DLD: variants seen among roughly 807,000 people sequenced by gnomAD.
The protein encoded by DLD is dihydrolipoamide dehydrogenase, also known as dihydrolipoyl dehydrogenase, mitochondrial.
DLD carries 36 observed loss-of-function variants against 62.2 expected under a neutral mutation model. The ratio of observed to expected loss-of-function variants is 0.58; its 90% CI spans 0.44 to 0.76. DLD has a LOEUF of 0.76. Ranked by LOEUF, DLD falls within the 30% of genes least tolerant of loss-of-function variation. DLD has a pLI of 0.00. For missense variants in DLD, 541 were observed against 608.6 expected (o/e 0.89, Z 1.17); for synonymous variants, 204 against 199.6 (o/e 1.02, Z -0.19).
At chr7:107,896,752 C>T (rs2031734675) in intron 2 of DLD, among the ~76,000 whole-genome samples, 1 of 152,110 alleles carries the variant, frequency 6.6e-6, no homozygotes, top group African/African-American at 2.4e-5. Flanking sequence ...TTCTTACATT[C>T]AGTAAATTTG....
Position 107,905,045 on chromosome 7 carries a change from T to G in DLD, c.425T>G (p.Phe142Cys). The change falls in exon 6 of 14, where the codon TTC becomes TGC. Residue 142 changes from phenylalanine to cysteine, a missense_variant. Physicochemically the swap from Phe to Cys is radical, Grantham distance 205. Transcript: ENST00000205402. ...TTAACAGGTGGAATTGCCCACTTAT[T>G]CAAACAGAATAAGGTCAGTGTTTAA... ...KALTGGIAHL[F>C]KQNKVVHVNG... 1.2e-6 allele frequency: 2 copies of G among 1,607,214 alleles called. No homozygotes were observed. The highest frequency in any genetic ancestry group is 1.7e-4 in the Middle Eastern group (1 of 6,028).
chr7:107,902,251 ACATAT>A, intron 3 of DLD, 69 bp from the exon 4 acceptor site: 1 of 1,267,284 alleles, frequency 7.9e-7, no homozygotes. Flanking sequence ...AAGAATTAAG[ACATAT>A]ATTTGGAATT....
chr7:107,898,827 G>A (rs1476331439), intron 2 of DLD, among the ~76,000 whole-genome samples: 2 of 151,650 alleles, frequency 1.3e-5, no homozygotes, highest in African/African-American at 2.4e-5. Flanking sequence ...GCCTGCCTCG[G>A]CCTCCCAAAG....
intron 1 of DLD, 133 bp downstream of exon 1, chr7:107,891,422 T>TCTGCACTGGCTCAGCCC (rs945514540): frequency 1.2e-5 from 12 of 996,358 alleles, no homozygotes; most frequent in Admixed American, 2.0e-5. Flanking sequence ...TGGCCCCGCC[T>TCTGCACTGGCTCAGCCC]CTGCACTGGC....
chr7:107,907,942 C>CT (rs576338477), intron 8 of DLD, among the ~76,000 whole-genome samples: 126 of 152,340 alleles, frequency 8.3e-4, no homozygotes, highest in Non-Finnish European at 1.6e-3. Flanking sequence ...GGGCATGAAT[C>CT]TATTTATTGC....
chr7:107,912,046 G>GTT (rs1000165051), intron 8 of DLD, among the ~76,000 whole-genome samples: 1 of 141,422 alleles, frequency 7.1e-6, no homozygotes. Context: ...CAGTTTGTTT[G>GTT]TTTTTTTTTT....
chr7:107,915,493 A>G lies in DLD; in HGVS notation c.685-13A>G. 6.2e-7 allele frequency: 1 copy of G among 1,613,286 alleles called. No homozygotes were observed. The highest frequency in any genetic ancestry group is 8.5e-7 in the Non-Finnish European group (1 of 1,179,566). On this transcript the variant is annotated splice_polypyrimidine_tract_variant and intron_variant, in intron 8 of 13. Transcript: ENST00000205402. The stretch of plus-strand genomic sequence containing the variant: ...ACTTTTATGATTATTGGGTTTTTTT[A>G]ATTTATTTGCAGGGTTCAGTTTGGC...
At chr7:107,891,645 T>C (rs10227605) in intron 1 of DLD, 274,532 of 439,778 alleles carry the variant, frequency 0.62, 87,826 homozygotes, top group East Asian at 0.86. Flanking sequence ...TAGTCTGGCT[T>C]TTTATACCAT....
Position 107,896,842 on chromosome 7 carries a change from G to GTT in DLD, c.118+3574_118+3575dup, listed in dbSNP as rs1254805002. ...TAAAAATCTGGTTTTGTTTTTGTTT[G>GTT]TTTTTTTTTTTGAGACAAAGTCTCG... is the stretch of plus-strand genomic sequence containing the variant. On this transcript the variant is annotated intron_variant, in intron 2 of 13. Coordinates refer to ENST00000205402, the MANE Select transcript of DLD (RefSeq NM_000108.5). Among the ~76,000 whole-genome samples, 1,145 of 144,856 alleles carry GTT rather than the reference G, an allele frequency of 7.9e-3. 17 individuals carry two copies. The highest frequency in any genetic ancestry group is 0.028 in the African/African-American group (1,106 of 39,910).
rs551744117 is a variant in DLD, at chr7:107,903,170, G to A, written c.268-308G>A. On this transcript the variant is annotated intron_variant, in intron 4 of 13. Coordinates refer to ENST00000205402, the MANE Select transcript of DLD (RefSeq NM_000108.5). ...TCCCAGCACTTTGGGAGGCCGAGGC[G>A]GGTGGATCACCTGAGGCTGGGAGTT... is the stretch of plus-strand genomic sequence containing the variant. Among the ~76,000 whole-genome samples, 13 of 152,240 alleles carry A rather than the reference G, an allele frequency of 8.5e-5. 1 individual carries two copies. The South Asian group carries it at 1.9e-3, about 22-fold the overall frequency.
chr7:107,902,446 A>G (rs2031900482), intron 4 of DLD, 53 bp downstream of exon 4: 1 of 1,471,870 alleles, frequency 6.8e-7, no homozygotes, highest in South Asian at 1.1e-5. Context: ...GCAACCAACT[A>G]GAAGGATGGA....
chr7:107,899,380 C>T (rs937403890), intron 2 of DLD, among the ~76,000 whole-genome samples: 4 of 150,926 alleles, frequency 2.7e-5, no homozygotes, highest in Admixed American at 6.6e-5. Flanking sequence ...AAAAAAACAC[C>T]TAAGATTACA....
chr7:107,908,178 T>C (rs1382390282), intron 8 of DLD, among the ~76,000 whole-genome samples: 1 of 146,210 alleles, frequency 6.8e-6, no homozygotes, highest in African/African-American at 2.5e-5. Context: ...TGAGTCCGAG[T>C]CTTGCTGTGT....
intron 2 of DLD, among the ~76,000 whole-genome samples, chr7:107,898,361 A>G (rs2031786932): frequency 7.2e-6 from 1 of 139,498 alleles, no homozygotes; most frequent in African/African-American, 2.7e-5. Flanking sequence ...GTTCACTGCG[A>G]CGTCCCCCTC....
intron 6 of DLD, 101 bp from the exon 7 acceptor site, chr7:107,905,260 T>C: frequency 7.8e-7 from 1 of 1,284,438 alleles, no homozygotes; most frequent in Non-Finnish European, 1.1e-6. Flanking sequence ...AAGGAAGCAT[T>C]TTGTTTTAGA....
Position 107,906,467 on chromosome 7 carries a change from C to A in DLD, c.684+99C>A, listed in dbSNP as rs140468423. 17 of 779,116 alleles carry A rather than the reference C, an allele frequency of 2.2e-5. No individual in the cohort carries two copies. The African/African-American group carries it at 2.2e-4, about 10-fold the overall frequency. The allele number at this position is 779,116 out of a possible 1,614,324, so 48.3% of individuals were successfully genotyped here. A position where few individuals can be genotyped will look rare whatever the true frequency, so the allele number is the denominator to read the frequency against. ...TTGTATAACATTACAGGCTGATCAG[C>A]ATTGAGTTTTGCTTAAACACTTCTA... On this transcript the variant is annotated intron_variant, in intron 8 of 13. Transcript: ENST00000205402.
intron 1 of DLD, among the ~76,000 whole-genome samples, chr7:107,892,531 C>A (rs576068471): frequency 2.0e-5 from 3 of 149,606 alleles, no homozygotes; most frequent in Admixed American, 6.7e-5. Context: ...ACTTTCAGAG[C>A]TTTATTTATT....
rs1316142029 is a variant in DLD at position 107,920,653 on chromosome 7, GT to G, written c.*1400del. 4 of 152,212 alleles carry G rather than the reference GT, an allele frequency of 2.6e-5. No homozygotes were observed. The highest frequency in any genetic ancestry group is 7.2e-5 in the African/African-American group (3 of 41,442). 9.4% of individuals were successfully genotyped at this position (152,212 alleles called of 1,614,324 possible). On this transcript the variant is annotated 3_prime_UTR_variant, in exon 14 of 14. Coordinates refer to ENST00000205402, the MANE Select transcript of DLD (RefSeq NM_000108.5). ...GAAGTCTGCCCCTTCTGTGCCTCCTGTTTTTTGGGGGTTTCCCCTTTATGTT... is the reference window on the plus strand; with the variant it reads ...GAAGTCTGCCCCTTCTGTGCCTCCTGTTTTTGGGGGTTTCCCCTTTATGTT...
intron 3 of DLD, 71 bp from the exon 4 acceptor site, chr7:107,902,252 CAT>C: frequency 7.8e-7 from 1 of 1,282,714 alleles, no homozygotes; most frequent in Non-Finnish European, 1.1e-6. Flanking sequence ...AGAATTAAGA[CAT>C]ATATTTGGAA....
Sources: gnomAD v4.1 joint callset for allele counts (sites outside exome capture counted in the v4.1 genomes callset) on GRCh38, gnomAD v4.1.1 for gene constraint, MANE v1.5 for transcripts, NCBI Gene and HGNC (gene_info 2026-07-23, HGNC 2026-07-21) for gene names.